Variants in CTNNA2 observed in about 807,000 individuals in gnomAD.
CTNNA2 encodes the protein catenin alpha-2.
Under a neutral mutation model 101.0 loss-of-function variants are expected in CTNNA2, and 42 were observed. That is an observed-to-expected ratio of 0.42 (90% CI 0.32 to 0.54). The LOEUF is 0.54. Ranked by LOEUF, CTNNA2 falls within the 20% of genes least tolerant of loss-of-function variation. The pLI is 0.14. For synonymous variants in CTNNA2, 450 were observed against 456.4 expected (o/e 0.99, Z 0.18); for missense variants, 871 against 1,223.1 (o/e 0.71, Z 4.29).
At chr2:80,422,174 A>C (rs866961087) in intron 9 of CTNNA2, among the ~76,000 whole-genome samples, 2 of 152,200 alleles carry the variant, frequency 1.3e-5, no homozygotes, top group African/African-American at 4.8e-5. Flanking sequence ...TCGTGGCGGA[A>C]GGCAAAGGAA....
At chr2:79,984,550 T>A (rs1363532338) in intron 7 of CTNNA2, among the ~76,000 whole-genome samples, 6 of 152,226 alleles carry the variant, frequency 3.9e-5, no homozygotes, top group African/African-American at 1.4e-4. Flanking sequence ...TTAATTAATT[T>A]AAGAGACATC....
chr2:79,405,491 A>G (rs1678331767), intron 4 of CTNNA2, among the ~76,000 whole-genome samples: 1 of 151,726 alleles, frequency 6.6e-6, no homozygotes. Flanking sequence ...ACACCCAGCT[A>G]ATTTTTGTAT....
chr2:79,331,226 T>A (rs1036116150), intron 3 of CTNNA2, among the ~76,000 whole-genome samples: 2 of 152,300 alleles, frequency 1.3e-5, no homozygotes, highest in South Asian at 4.1e-4. Flanking sequence ...CCAGTCTTCA[T>A]TCCTCTTGGA....
intron 3 of CTNNA2, among the ~76,000 whole-genome samples, chr2:79,315,643 T>G (rs992527229): frequency 2.6e-5 from 4 of 152,220 alleles, no homozygotes; most frequent in African/African-American, 9.6e-5. Flanking sequence ...ACATTTGATT[T>G]ATTTATTAAA....
chr2:79,943,275 T>G (rs1313630058), intron 7 of CTNNA2, among the ~76,000 whole-genome samples: 1 of 143,694 alleles, frequency 7.0e-6, no homozygotes, highest in Non-Finnish European at 1.6e-5. Flanking sequence ...GAAGAGAAAG[T>G]TAAAAAGAAA....
Position 80,521,605 on chromosome 2 carries a change from A to G in CTNNA2, c.1291-23377A>G, listed in dbSNP as rs140675909. ...AGGAGAGTTAGAGTGATGCAAGGAGAGAAAGACTTCACTAGCCGTTGTTAG... is the reference window on the plus strand; with the variant it reads ...AGGAGAGTTAGAGTGATGCAAGGAGGGAAAGACTTCACTAGCCGTTGTTAG... On this transcript the variant is annotated intron_variant, in intron 9 of 18. Coordinates refer to ENST00000402739, the MANE Select transcript of CTNNA2 (RefSeq NM_001282597.3). 1.7e-3 allele frequency among the ~76,000 whole-genome samples: 254 copies of G among 152,246 alleles called. 1 individual carries two copies. Among genetic ancestry groups the G allele is most frequent in the Middle Eastern group, 0.01 (3 of 294 alleles).
intron 4 of CTNNA2, among the ~76,000 whole-genome samples, chr2:79,403,543 A>C (rs1020982086): frequency 6.6e-6 from 1 of 151,972 alleles, no homozygotes; most frequent in Non-Finnish European, 1.5e-5. Flanking sequence ...TATGAAACAG[A>C]CCTAATCTAG....
At chr2:79,984,044 C>T (rs895366777) in intron 7 of CTNNA2, among the ~76,000 whole-genome samples, 2 of 152,188 alleles carry the variant, frequency 1.3e-5, no homozygotes, top group African/African-American at 4.8e-5. Flanking sequence ...GGTTTCTACT[C>T]AAGCTGTGCC....
intron 7 of CTNNA2, among the ~76,000 whole-genome samples, chr2:80,261,444 G>A (rs939566135): frequency 3.9e-5 from 6 of 152,062 alleles, no homozygotes; most frequent in East Asian, 3.9e-4. Context: ...AGCAGTTTGC[G>A]TGCTCTCAAG....
At chr2:79,688,046 T>C (rs1030790529) in intron 2 of CTNNA2, among the ~76,000 whole-genome samples, 1 of 152,110 alleles carries the variant, frequency 6.6e-6, no homozygotes, top group Non-Finnish European at 1.5e-5. Flanking sequence ...GAGTTGGCCC[T>C]AAACAAAATT....
chr2:80,212,610 T>C (rs1707971623), intron 7 of CTNNA2, among the ~76,000 whole-genome samples: 1 of 152,180 alleles, frequency 6.6e-6, no homozygotes, highest in South Asian at 2.1e-4. Flanking sequence ...TGCTGCCGGA[T>C]TCGGTTTGCC....
At chr2:79,637,235 T>G (rs1680135482) in intron 1 of CTNNA2, among the ~76,000 whole-genome samples, 1 of 152,146 alleles carries the variant, frequency 6.6e-6, no homozygotes, top group Non-Finnish European at 1.5e-5. Context: ...TACTTTCCAC[T>G]GCCTGGAAAG....
chr2:79,666,692 C>A (rs1439401151), intron 2 of CTNNA2, among the ~76,000 whole-genome samples: 2 of 152,124 alleles, frequency 1.3e-5, no homozygotes, highest in Admixed American at 6.5e-5. Context: ...AGCTAGGTTG[C>A]AAAGTGGCTA....
chr2:80,463,371 G>T (rs191418339), intron 9 of CTNNA2, among the ~76,000 whole-genome samples: 2,485 of 152,254 alleles, frequency 0.016, 67 homozygotes, highest in African/African-American at 0.056. Context: ...ACATTTTAAT[G>T]TATTGGTAGT....
intron 5 of CTNNA2, 78 bp downstream of exon 5, chr2:79,870,013 T>G (rs1468761076): frequency 6.6e-7 from 1 of 1,513,954 alleles, no homozygotes; most frequent in African/African-American, 1.4e-5. Flanking sequence ...GCCTGAACAA[T>G]GGATCAACTG....
At chr2:79,770,731 G>T (rs967894660) in intron 3 of CTNNA2, among the ~76,000 whole-genome samples, 1 of 152,162 alleles carries the variant, frequency 6.6e-6, no homozygotes, top group South Asian at 2.1e-4. Flanking sequence ...AACTCCATTA[G>T]TTAAAAGTTA....
At chr2:80,242,514 G>T (rs565648128) in intron 7 of CTNNA2, among the ~76,000 whole-genome samples, 1 of 152,226 alleles carries the variant, frequency 6.6e-6, no homozygotes, top group South Asian at 2.1e-4. Context: ...TAAATCTTTT[G>T]CTAGGCTCTT....
At chr2:80,127,611 T>G (rs945403530) in intron 7 of CTNNA2, among the ~76,000 whole-genome samples, 2 of 152,194 alleles carry the variant, frequency 1.3e-5, no homozygotes, top group Non-Finnish European at 2.9e-5. Flanking sequence ...CCCTAGCCCC[T>G]TCTTCCTGCC....
At chr2:80,066,742 T>C (rs953678690) in intron 7 of CTNNA2, among the ~76,000 whole-genome samples, 1 of 152,160 alleles carries the variant, frequency 6.6e-6, no homozygotes, top group South Asian at 2.1e-4. Context: ...TAGCTGTATA[T>C]CCAAAGTAAA....
Sources: gnomAD v4.1 joint callset for allele counts (sites outside exome capture counted in the v4.1 genomes callset) on GRCh38, gnomAD v4.1.1 for gene constraint, MANE v1.5 for transcripts, NCBI Gene and HGNC (gene_info 2026-07-23, HGNC 2026-07-21) for gene names.